Variants in MX2 observed in about 807,000 individuals in gnomAD.
MX2 encodes the protein MX dynamin like GTPase 2, also known as interferon-induced GTP-binding protein Mx2.
In MX2, 51 loss-of-function variants were observed where a neutral mutation model predicts 74.0. The ratio of observed to expected loss-of-function variants is 0.69; its 90% CI spans 0.55 to 0.87. The LOEUF (loss-of-function observed/expected upper bound fraction) is 0.87, where lower values mean the gene tolerates loss of function less well. Among genes scored for constraint, MX2 ranks in the 40% least tolerant of loss-of-function variants. The probability of loss-of-function intolerance (pLI) is 0.00; values close to 1 mark genes in which losing one functional copy is unlikely to be tolerated. For synonymous variants in MX2, 369 were observed against 339.3 expected, an observed-to-expected ratio of 1.09 and a Z score of -0.96; for missense variants, 832 against 908.7, an observed-to-expected ratio of 0.92 and a Z score of 1.09.
At chr21:41,399,158 G>A in intron 9 of MX2, 38 bp from the exon 10 acceptor site, 1 of 1,607,004 alleles carries the variant, frequency 6.2e-7, no homozygotes, top group African/African-American at 1.3e-5. Flanking sequence ...TCTTTCATAT[G>A]ATTTCCGCAA....
At chr21:41,400,099 C>T (rs532392140) in intron 10 of MX2, among the ~76,000 whole-genome samples, 10 of 152,222 alleles carry the variant, frequency 6.6e-5, no homozygotes, top group Admixed American at 5.2e-4. Context: ...ACACCAGGCA[C>T]GGAGCCTTCA....
At chr21:41,406,310 A>C (rs1008464004) in intron 12 of MX2, among the ~76,000 whole-genome samples, 1 of 152,166 alleles carries the variant, frequency 6.6e-6, no homozygotes, top group African/African-American at 2.4e-5. Context: ...CCTTGACTGC[A>C]TGGGTGATGT....
intron 12 of MX2, among the ~76,000 whole-genome samples, chr21:41,405,766 G>A (rs754633275): frequency 2.3e-4 from 33 of 144,862 alleles, no homozygotes; most frequent in Admixed American, 1.8e-3. Flanking sequence ...GTGCAATGGC[G>A]CCATCTCGGC....
intron 6 of MX2, among the ~76,000 whole-genome samples, chr21:41,392,691 A>G (rs1422495907): frequency 6.6e-6 from 1 of 152,330 alleles, no homozygotes; most frequent in African/African-American, 2.4e-5. Flanking sequence ...CATTTTTGTA[A>G]AGAAATTTTT....
intron 1 of MX2, among the ~76,000 whole-genome samples, chr21:41,373,326 C>T (rs2089350087): frequency 6.6e-6 from 1 of 152,172 alleles, no homozygotes; most frequent in Non-Finnish European, 1.5e-5. Context: ...GGGGTGTCTG[C>T]CAGGCCCAGG....
At chr21:41,369,268 G>A (rs1265094849) in intron 1 of MX2, among the ~76,000 whole-genome samples, 6 of 152,192 alleles carry the variant, frequency 3.9e-5, no homozygotes, top group Non-Finnish European at 2.9e-5. Flanking sequence ...GCGGCGGCGG[G>A]GCCATTCACA....
At chr21:41,367,923 C>T (rs1462583854) in intron 1 of MX2, among the ~76,000 whole-genome samples, 1 of 152,222 alleles carries the variant, frequency 6.6e-6, no homozygotes, top group Non-Finnish European at 1.5e-5. Context: ...TAACTCTTAA[C>T]TTGGCTGTCT....
intron 5 of MX2, chr21:41,390,179 C>T (rs1306559401): frequency 9.1e-6 from 2 of 220,182 alleles, no homozygotes; most frequent in Admixed American, 9.5e-5. Context: ...GAGAAGATGT[C>T]ACCGCTGGCC....
chr21:41,363,264 G>T lies in MX2; in HGVS notation c.-72+1209G>T, dbSNP rs1173117002. The T allele has an allele frequency of 6.7e-6, 1 of 149,990 alleles. No homozygotes were observed. Among genetic ancestry groups the T allele is most frequent in the Admixed American group, 6.6e-5 (1 of 15,044 alleles). The allele number at this position is 149,990 out of a possible 1,614,324, so 9.3% of individuals were successfully genotyped here. ...ATTTTTTTTTCTTTTTCTTTTTTGA[G>T]ACAGGGTCTTCCTGCTCTGTTTCCC... On this transcript the variant is annotated intron_variant, in intron 1 of 13. Transcript: ENST00000330714. This position sits in a 1 kb window ranked among gnomAD's most constrained non-coding sequence, Gnocchi z 4.2.
rs2089415386 is a variant in MX2 at position 41,377,107 on chromosome 21, T to G, written c.201T>G (p.Thr67=). The G allele has an allele frequency of 6.2e-7, 1 of 1,614,044 alleles. No homozygotes were observed. The highest frequency in any genetic ancestry group is 2.2e-5 in the East Asian group (1 of 44,900). The stretch of plus-strand genomic sequence containing the variant: ...TCGCCAAGGACTTCAACTTTCTCAC[T>G]TTGAACAATCAGCCACCACCAGGAA... ...AFLAKDFNFL[T]LNNQPPPGNR... Residue 67 remains threonine, a synonymous_variant, in exon 2 of 14, where the codon ACT becomes ACG. Transcript: ENST00000330714.
At chr21:41,385,580 T>A (rs1478112740) in intron 5 of MX2, among the ~76,000 whole-genome samples, 3 of 152,220 alleles carry the variant, frequency 2.0e-5, no homozygotes, top group Non-Finnish European at 4.4e-5. Flanking sequence ...TAGACCTCTT[T>A]TTCTGTACAA....
Position 41,382,513 on chromosome 21 carries a change from C to A in MX2, c.681C>A (p.Pro227=), listed in dbSNP as rs145539486. The change falls in exon 5 of 14, where the codon CCC becomes CCA. Residue 227 remains proline (P), a synonymous_variant. Transcript: ENST00000330714. ...EVPDLTIIDL[P]GITRVAVDNQ... ...CAGACCTGACCATCATTGACCTTCC[C>A]GGCATCACCAGGGTGGCTGTGGACA... The A allele has an allele frequency of 2.5e-6, 4 of 1,614,088 alleles. No homozygotes were observed. Among genetic ancestry groups the A allele is most frequent in the Non-Finnish European group, 3.4e-6 (4 of 1,180,054 alleles).
chr21:41,377,246 G>T, intron 2 of MX2, 91 bp downstream of exon 2: 2 of 1,536,964 alleles, frequency 1.3e-6, no homozygotes, highest in East Asian at 2.3e-5. Flanking sequence ...AATAGAACCA[G>T]CCAGTCTGCT....
chr21:41,377,338 C>CG (rs989961351), intron 2 of MX2, among the ~76,000 whole-genome samples, 183 bp downstream of exon 2: 9 of 152,352 alleles, frequency 5.9e-5, no homozygotes, highest in Admixed American at 2.6e-4. Context: ...CCTGCAGCAA[C>CG]GGGCTGCTGC....
In MX2 at chr21:41,388,036, A is replaced by G. The variant is rs573854020; in HGVS notation, c.733-2529A>G. Among the ~76,000 whole-genome samples, 1 of 151,820 alleles carries G rather than the reference A, an allele frequency of 6.6e-6. No homozygotes were observed. Among genetic ancestry groups the G allele is most frequent in the South Asian group, 2.1e-4 (1 of 4,790 alleles). On this transcript the variant is annotated intron_variant, in intron 5 of 13. Transcript: ENST00000330714. The surrounding 1 kb of genome is among the most constrained non-coding windows in gnomAD (Gnocchi z 4.0). ...CACGTCTCCTCCCACTTCCACCAGC[A>G]CCCTCACCTAAGCTGCTGCTATCCT...
intron 5 of MX2, among the ~76,000 whole-genome samples, chr21:41,385,596 G>T (rs965994630): frequency 6.6e-6 from 1 of 152,096 alleles, no homozygotes; most frequent in Non-Finnish European, 1.5e-5. Context: ...TACAAATTTC[G>T]CTGTCTCTGG....
Position 41,402,051 on chromosome 21 carries a change from A to G in MX2, c.1496A>G (p.Lys499Arg), listed in dbSNP as rs1159770081. The change falls in exon 11 of 14, where the codon AAG becomes AGG. Residue 499 changes from lysine (K) to arginine (R), a missense_variant. Coordinates refer to ENST00000330714, the MANE Select transcript of MX2 (RefSeq NM_002463.2). This position sits in a 1 kb window ranked among gnomAD's most constrained non-coding sequence, Gnocchi z 4.5. ...GAGCTTCTGGGATTTGTCAACTACA[A>G]GACATTTGAGATCATCGTGCATCAG... ...GKELLGFVNY[K>R]TFEIIVHQYI... The G allele has an allele frequency of 1.2e-6, 2 of 1,614,212 alleles. No homozygotes were observed. The highest frequency in any genetic ancestry group is 8.5e-7 in the Non-Finnish European group (1 of 1,180,040).
chr21:41,405,819 C>T (rs2089878771), intron 12 of MX2, among the ~76,000 whole-genome samples: 2 of 151,460 alleles, frequency 1.3e-5, no homozygotes. Flanking sequence ...ATTCTCCTGC[C>T]TCAGCCTCCC....
In MX2 at chr21:41,399,010, T is replaced by C. The variant is rs1486531601; in HGVS notation, c.1263T>C (p.Phe421=). 20 of 1,613,192 alleles carry C rather than the reference T, an allele frequency of 1.2e-5. No homozygotes were observed. The highest frequency in any genetic ancestry group is 1.6e-5 in the Non-Finnish European group (19 of 1,179,438). Residue 421 remains phenylalanine (F), a synonymous_variant, in exon 9 of 14, where the codon TTT becomes TTC. Coordinates refer to ENST00000330714, the MANE Select transcript of MX2 (RefSeq NM_002463.2). ...IPSQEADKMF[F]LIEKIKMFNQ... ...GCCAGGAGGCCGACAAGATGTTCTTTCTAATTGAGGTGAGGATTTCCGCAG... is the reference window on the plus strand; with the variant it reads ...GCCAGGAGGCCGACAAGATGTTCTTCCTAATTGAGGTGAGGATTTCCGCAG...
Sources: allele counts gnomAD v4.1 joint callset (sites outside exome capture counted in the v4.1 genomes callset), GRCh38; gene constraint gnomAD v4.1.1; non-coding constraint Gnocchi (gnomAD v3.1); transcripts MANE v1.5; gene names NCBI Gene and HGNC (gene_info 2026-07-23, HGNC 2026-07-21).